Variants in FHIT observed in about 807,000 individuals in gnomAD.
The protein encoded by FHIT is fragile histidine triad diadenosine triphosphatase, also known as bis(5'-adenosyl)-triphosphatase.
In FHIT, 19 loss-of-function variants were observed where a neutral mutation model predicts 17.9. That is an observed-to-expected ratio of 1.06 (90% confidence interval 0.74 to 1.56). The LOEUF (loss-of-function observed/expected upper bound fraction) is 1.56. Ranked by LOEUF, FHIT falls within the 40% of genes most tolerant of loss-of-function variation. The pLI, the probability that FHIT is intolerant of heterozygous loss-of-function variation, is 0.00. For synonymous variants in FHIT, 81 were observed against 69.7 expected (o/e 1.16, Z -0.81); for missense variants, 248 against 189.2 (o/e 1.31, Z -1.82).
At chr3:60,020,380 A>G (rs1316043965) in intron 5 of FHIT, among the ~76,000 whole-genome samples, 1 of 152,234 alleles carries the variant, frequency 6.6e-6, no homozygotes, top group Admixed American at 6.5e-5. Flanking sequence ...GGAGTTGCTC[A>G]GACTCGCCCC....
intron 4 of FHIT, among the ~76,000 whole-genome samples, chr3:60,798,752 CTTTTTTT>C (rs35159710): frequency 6.6e-5 from 7 of 105,454 alleles, no homozygotes; most frequent in South Asian, 4.0e-4. Flanking sequence ...ACTGCAATAG[CTTTTTTT>C]TTTTTTTTTT....
intron 3 of FHIT, among the ~76,000 whole-genome samples, chr3:61,041,686 A>C (rs1007151036): frequency 2.0e-5 from 3 of 151,700 alleles, no homozygotes; most frequent in African/African-American, 7.3e-5. Flanking sequence ...AATAAAGCAA[A>C]AAAAAAAAAA....
At chr3:60,023,727 A>G (rs1700635047) in intron 5 of FHIT, among the ~76,000 whole-genome samples, 1 of 152,216 alleles carries the variant, frequency 6.6e-6, no homozygotes, top group Non-Finnish European at 1.5e-5. Context: ...TCCTTAGAAG[A>G]GAGGAAATAC....
chr3:59,876,430 G>A (rs547165983), intron 8 of FHIT, among the ~76,000 whole-genome samples: 1 of 121,622 alleles, frequency 8.2e-6, no homozygotes, highest in East Asian at 2.5e-4. Flanking sequence ...ACTGGGACAG[G>A]GGCAGGGAGG....
intron 5 of FHIT, among the ~76,000 whole-genome samples, chr3:60,053,690 T>C (rs1363711359): frequency 6.6e-6 from 1 of 152,072 alleles, no homozygotes; most frequent in East Asian, 1.9e-4. Flanking sequence ...CCCGCTTTTT[T>C]GCTTTCCTGC....
chr3:61,214,748 A>C (rs1272260948), intron 1 of FHIT, among the ~76,000 whole-genome samples: 2 of 152,152 alleles, frequency 1.3e-5, no homozygotes, highest in Non-Finnish European at 2.9e-5. Flanking sequence ...CATTGATGCA[A>C]ATATCCTCAA....
At chr3:60,991,500 C>T (rs1434936555) in intron 3 of FHIT, among the ~76,000 whole-genome samples, 1 of 152,162 alleles carries the variant, frequency 6.6e-6, no homozygotes, top group Admixed American at 6.5e-5. Context: ...AGAAAATGGA[C>T]AAAATTGTGT....
intron 8 of FHIT, among the ~76,000 whole-genome samples, chr3:59,802,610 C>T (rs561840888): frequency 2.6e-5 from 4 of 151,834 alleles, no homozygotes; most frequent in Non-Finnish European, 5.9e-5. Flanking sequence ...TCCTGTAAAA[C>T]GGCCCCACCC....
intron 5 of FHIT, among the ~76,000 whole-genome samples, chr3:60,464,464 A>G (rs577341433): frequency 1.1e-3 from 160 of 152,168 alleles, no homozygotes; most frequent in African/African-American, 3.8e-3. Flanking sequence ...CTTATACATC[A>G]TATGTAACAA....
At chr3:60,850,609 T>C (rs1253038463) in intron 3 of FHIT, among the ~76,000 whole-genome samples, 1 of 152,078 alleles carries the variant, frequency 6.6e-6, no homozygotes, top group Non-Finnish European at 1.5e-5. Context: ...CAAAAAGGTA[T>C]TGTGCTCACC....
intron 4 of FHIT, among the ~76,000 whole-genome samples, chr3:60,546,546 C>T (rs1229616029): frequency 6.6e-6 from 1 of 152,194 alleles, no homozygotes; most frequent in African/African-American, 2.4e-5. Context: ...TCCCCACTTA[C>T]TCTACTGATT....
chr3:61,169,688 G>A (rs2037941504), intron 2 of FHIT, among the ~76,000 whole-genome samples: 1 of 152,150 alleles, frequency 6.6e-6, no homozygotes, highest in Admixed American at 6.6e-5. Context: ...ATTGTGCAGA[G>A]GGGCAAGAAA....
At chr3:60,018,458 G>A (rs1451998181) in intron 5 of FHIT, among the ~76,000 whole-genome samples, 2 of 152,116 alleles carry the variant, frequency 1.3e-5, no homozygotes, top group East Asian at 3.9e-4. Context: ...TGAAACCTCT[G>A]ATTATTGCTC....
chr3:60,922,744 A>G (rs1273573635), intron 3 of FHIT, among the ~76,000 whole-genome samples: 3 of 152,182 alleles, frequency 2.0e-5, no homozygotes, highest in Admixed American at 6.5e-5. Context: ...ACATTTCTCC[A>G]TCTTACCTTC....
chr3:60,080,546 A>G (rs917935367), intron 5 of FHIT, among the ~76,000 whole-genome samples: 2 of 152,142 alleles, frequency 1.3e-5, no homozygotes, highest in Non-Finnish European at 2.9e-5. Flanking sequence ...TTTATTCACC[A>G]AACATTTACT....
At chr3:59,779,796 T>C (rs1426724229) in intron 8 of FHIT, among the ~76,000 whole-genome samples, 1 of 152,204 alleles carries the variant, frequency 6.6e-6, no homozygotes, top group Non-Finnish European at 1.5e-5. Context: ...GCCAGTTCAG[T>C]GCCTTGCCAT....
intron 1 of FHIT, among the ~76,000 whole-genome samples, chr3:61,205,897 C>T (rs1476911316): frequency 2.0e-5 from 3 of 149,648 alleles, no homozygotes; most frequent in African/African-American, 7.4e-5. Flanking sequence ...CTTGCCCATG[C>T]CTATGTCCTG....
At position 60,240,974 on chromosome 3, in the gene FHIT, T is replaced by C. The variant is rs548846453; in HGVS notation, c.104-226822A>G. ...TTAAGGAAACTATTTCAGAACTTAA[T>C]GGGACCTGTTAAAAAAAACAGATTT... On this transcript the variant is annotated intron_variant, in intron 5 of 9. Transcript: ENST00000492590. Among the ~76,000 whole-genome samples, 7 of 152,238 alleles carry C rather than the reference T, an allele frequency of 4.6e-5. No homozygotes were observed. The South Asian group carries it at 1.5e-3, about 32-fold the overall frequency.
At chr3:60,296,220 G>GGGGGAAGGAGGA (rs1466006868) in intron 5 of FHIT, among the ~76,000 whole-genome samples, 5 of 151,926 alleles carry the variant, frequency 3.3e-5, no homozygotes, top group African/African-American at 7.2e-5. Flanking sequence ...AGAGGGGAAG[G>GGGGGAAGGAGGA]GGGGAAGGAG....
Sources: gnomAD v4.1 joint callset for allele counts (sites outside exome capture counted in the v4.1 genomes callset) on GRCh38, gnomAD v4.1.1 for gene constraint, MANE v1.5 for transcripts, NCBI Gene and HGNC (gene_info 2026-07-23, HGNC 2026-07-21) for gene names.